TCF12: variants seen among roughly 807,000 people sequenced by gnomAD.
The protein encoded by TCF12 is DNA-binding protein HTF4.
Under a neutral mutation model 86.0 loss-of-function variants are expected in TCF12, and 45 were observed. That is an observed-to-expected ratio of 0.52 (90% CI 0.41 to 0.67). The LOEUF (loss-of-function observed/expected upper bound fraction) is 0.67. Ranked by LOEUF, TCF12 falls within the 30% of genes least tolerant of loss-of-function variation. The probability of loss-of-function intolerance (pLI) is 0.00; values close to 1 mark genes in which losing one functional copy is unlikely to be tolerated. For missense variants in TCF12, 881 were observed against 859.9 expected, an observed-to-expected ratio of 1.02 and a Z score of -0.31; for synonymous variants, 330 against 299.6, an observed-to-expected ratio of 1.10 and a Z score of -1.05.
At chr15:56,998,335 T>C (rs1269183673) in intron 3 of TCF12, among the ~76,000 whole-genome samples, 3 of 151,610 alleles carry the variant, frequency 2.0e-5, no homozygotes, top group African/African-American at 7.3e-5. Context: ...CACGTGGTTG[T>C]AGTCCCAGCT....
chr15:57,103,502 A>C (rs2049904373), intron 5 of TCF12, among the ~76,000 whole-genome samples: 1 of 152,222 alleles, frequency 6.6e-6, no homozygotes, highest in South Asian at 2.1e-4. Context: ...AGTTAAACGC[A>C]AATTGTATAA....
intron 3 of TCF12, among the ~76,000 whole-genome samples, chr15:56,938,147 T>G (rs187534074): frequency 4.9e-5 from 7 of 141,822 alleles, no homozygotes; most frequent in African/African-American, 2.2e-4. Context: ...TTTTTCTTCT[T>G]TTTTTTTGTT....
chr15:57,051,314 T>C (rs2067597376), intron 3 of TCF12, among the ~76,000 whole-genome samples: 1 of 152,242 alleles, frequency 6.6e-6, no homozygotes, highest in South Asian at 2.1e-4. Context: ...ATTCTTGTAT[T>C]CTTCCTCACG....
chr15:56,919,620 A>G (rs1232547471), intron 1 of TCF12: 2 of 270,392 alleles, frequency 7.4e-6, no homozygotes, highest in Non-Finnish European at 1.4e-5. Flanking sequence ...GGTGGCAGAG[A>G]CTGGCTCGGA....
At position 56,920,980 on chromosome 15, in the gene TCF12, C is replaced by G. The variant is rs755491569; in HGVS notation, c.76-46C>G. The G allele has an allele frequency of 4.8e-6, 7 of 1,472,360 alleles. No homozygotes were observed. The African/African-American group carries it at 7.1e-5, about 15-fold the overall frequency. 91.2% of individuals were successfully genotyped at this position (1,472,360 alleles called of 1,614,324 possible). ...TGGTGGACTTTTGTTTGCAAGGAATCTAGAAGAATTTCAGGACTAACAGAT... is the reference window on the plus strand; with the variant it reads ...TGGTGGACTTTTGTTTGCAAGGAATGTAGAAGAATTTCAGGACTAACAGAT... On this transcript the variant is annotated intron_variant, in intron 2 of 20. Transcript: ENST00000333725.
At chr15:57,231,084 G>A (rs1305653371) in intron 8 of TCF12, 68 bp from the exon 9 acceptor site, 1 of 1,226,416 alleles carries the variant, frequency 8.2e-7, no homozygotes, top group African/African-American at 1.5e-5. Flanking sequence ...ACAGAATATA[G>A]AACTCATTTT....
At chr15:56,940,892 G>A (rs185779901) in intron 3 of TCF12, among the ~76,000 whole-genome samples, 7 of 150,224 alleles carry the variant, frequency 4.7e-5, no homozygotes, top group Non-Finnish European at 8.9e-5. Context: ...AGGATAACAG[G>A]TGTGCGTGAC....
chr15:57,056,775 T>A (rs2585108), intron 3 of TCF12, among the ~76,000 whole-genome samples: 2,656 of 151,718 alleles, frequency 0.018, 80 homozygotes, highest in African/African-American at 0.061. Context: ...TAGTTTTTTT[T>A]AATGTTTTCT....
chr15:57,088,878 T>A (rs2151100668), intron 4 of TCF12, among the ~76,000 whole-genome samples: 1 of 152,306 alleles, frequency 6.6e-6, no homozygotes, highest in East Asian at 1.9e-4. Flanking sequence ...TAGTTGTACA[T>A]TTCTACAACT....
intron 5 of TCF12, among the ~76,000 whole-genome samples, chr15:57,142,649 T>G (rs1224269920): frequency 3.3e-5 from 5 of 152,222 alleles, no homozygotes; most frequent in African/African-American, 1.2e-4. Flanking sequence ...TTACCTAGTC[T>G]CAAAATACCT....
chr15:56,939,112 C>T (rs1031410671), intron 3 of TCF12, among the ~76,000 whole-genome samples: 1 of 152,092 alleles, frequency 6.6e-6, no homozygotes, highest in Non-Finnish European at 1.5e-5. Flanking sequence ...CATTCTTGTG[C>T]GGTTTGAATT....
intron 6 of TCF12, among the ~76,000 whole-genome samples, chr15:57,169,645 G>T (rs1325419985): frequency 6.6e-6 from 1 of 152,122 alleles, no homozygotes; most frequent in Non-Finnish European, 1.5e-5. Flanking sequence ...AGACCTAAAT[G>T]TTTGAGAGCC....
chr15:56,983,829 G>A (rs1377055117), intron 3 of TCF12, among the ~76,000 whole-genome samples: 4 of 151,346 alleles, frequency 2.6e-5, no homozygotes, highest in African/African-American at 4.9e-5. Context: ...ATGAGACTCC[G>A]TTTCTACAAA....
intron 3 of TCF12, among the ~76,000 whole-genome samples, chr15:56,986,036 A>G (rs750740396): frequency 6.6e-6 from 1 of 151,896 alleles, no homozygotes; most frequent in Non-Finnish European, 1.5e-5. Context: ...TTGTAATGCT[A>G]TAGATGACTA....
At chr15:56,999,110 A>G (rs2063874633) in intron 3 of TCF12, among the ~76,000 whole-genome samples, 2 of 150,334 alleles carry the variant, frequency 1.3e-5, no homozygotes, top group Non-Finnish European at 1.5e-5. Flanking sequence ...AGGCAGGAGA[A>G]TGGCGTGAAC....
In TCF12 at chr15:57,243,413, A is replaced by G. The variant is rs1023132163; in HGVS notation, c.1036-59A>G. The stretch of plus-strand genomic sequence containing the variant: ...TATAAAAATAACTCCATGTGAACGG[A>G]TTTGTGTATGTGCTGTTGTCACATG... On this transcript the variant is annotated intron_variant, in intron 12 of 20. Coordinates refer to ENST00000333725, the MANE Select transcript of TCF12 (RefSeq NM_207037.2). The G allele has an allele frequency of 4.9e-6, 7 of 1,423,876 alleles. No individual in the cohort carries two copies. The African/African-American group carries it at 9.9e-5, about 20-fold the overall frequency. The allele number at this position is 1,423,876 out of a possible 1,614,324, so 88.2% of individuals were successfully genotyped here. A position where few individuals can be genotyped will look rare whatever the true frequency, so the allele number is the denominator to read the frequency against.
intron 6 of TCF12, among the ~76,000 whole-genome samples, chr15:57,183,320 T>C (rs1295168357): frequency 6.6e-6 from 1 of 152,218 alleles, no homozygotes; most frequent in East Asian, 1.9e-4. Flanking sequence ...TATGACTTTA[T>C]ATACACAAAT....
chr15:57,045,429 A>C (rs2067169252), intron 3 of TCF12, among the ~76,000 whole-genome samples: 1 of 152,206 alleles, frequency 6.6e-6, no homozygotes, highest in Non-Finnish European at 1.5e-5. Context: ...GACTGACTTT[A>C]AAGAGCAGTG....
chr15:57,141,789 G>T (rs1364608810), intron 5 of TCF12, among the ~76,000 whole-genome samples: 1 of 152,204 alleles, frequency 6.6e-6, no homozygotes, highest in Non-Finnish European at 1.5e-5. Context: ...AAATCAGTCA[G>T]CCTAGGCACA....
Sources: gnomAD v4.1 joint callset for allele counts (sites outside exome capture counted in the v4.1 genomes callset) on GRCh38, gnomAD v4.1.1 for gene constraint, MANE v1.5 for transcripts, NCBI Gene and HGNC (gene_info 2026-07-23, HGNC 2026-07-21) for gene names.